The following SOX5 variants were observed in gnomAD, a reference collection of about 807,000 sequenced individuals.
SOX5 encodes the protein SRY-box transcription factor 5.
Under a neutral mutation model 92.0 loss-of-function variants are expected in SOX5, and 9 were observed. The observed-to-expected ratio is 0.10, with a 90% confidence interval of 0.06 to 0.17. The LOEUF (loss-of-function observed/expected upper bound fraction) is 0.17, where lower values mean the gene tolerates loss of function less well. SOX5 is among the 10% of genes least tolerant of loss of function. The probability of loss-of-function intolerance (pLI) is 1.00; values close to 1 mark genes in which losing one functional copy is unlikely to be tolerated. For synonymous variants in SOX5, 344 were observed against 336.3 expected (o/e 1.02, Z -0.25); for missense variants, 642 against 944.5 (o/e 0.68, Z 4.20).
At chr12:24,547,438 G>A (rs983569618) in intron 1 of SOX5, among the ~76,000 whole-genome samples, 11 of 151,870 alleles carry the variant, frequency 7.2e-5, no homozygotes, top group South Asian at 2.1e-4. Context: ...TGATCCACCC[G>A]CCTCGGCCTC....
chr12:23,613,960 C>A (rs149688776), intron 8 of SOX5, among the ~76,000 whole-genome samples: 4 of 152,244 alleles, frequency 2.6e-5, no homozygotes, highest in Admixed American at 6.5e-5. Flanking sequence ...GGTCTCCTTG[C>A]AGCTCCATGT....
At chr12:24,299,060 T>A (rs575968389) in intron 2 of SOX5, among the ~76,000 whole-genome samples, 1 of 152,344 alleles carries the variant, frequency 6.6e-6, no homozygotes, top group African/African-American at 2.4e-5. Flanking sequence ...TTCATAGCTA[T>A]AGATACTGAG....
At chr12:24,186,414 T>A (rs915487603) in intron 4 of SOX5, among the ~76,000 whole-genome samples, 3 of 152,190 alleles carry the variant, frequency 2.0e-5, no homozygotes, top group African/African-American at 7.2e-5. Flanking sequence ...ATCTGCTGTT[T>A]AACTTATTCT....
At chr12:24,085,360 T>C (rs1389852497) in intron 4 of SOX5, among the ~76,000 whole-genome samples, 1 of 152,086 alleles carries the variant, frequency 6.6e-6, no homozygotes, top group East Asian at 1.9e-4. Context: ...ACCATGGCTC[T>C]ATGAGTTGGA....
chr12:23,887,561 G>A (rs1479642437), intron 2 of SOX5, among the ~76,000 whole-genome samples: 2 of 152,082 alleles, frequency 1.3e-5, no homozygotes, highest in African/African-American at 4.8e-5. Flanking sequence ...TAAGTCTCCG[G>A]CATTGCTTCT....
intron 3 of SOX5, among the ~76,000 whole-genome samples, chr12:23,815,607 A>G (rs1472740379): frequency 6.6e-6 from 1 of 152,226 alleles, no homozygotes; most frequent in African/African-American, 2.4e-5. Flanking sequence ...AAATAAAGGG[A>G]AATGAAGTAC....
intron 4 of SOX5, among the ~76,000 whole-genome samples, chr12:24,172,605 C>G (rs758372016): frequency 6.6e-6 from 1 of 152,002 alleles, no homozygotes; most frequent in African/African-American, 2.4e-5. Flanking sequence ...ATCGGAGGAA[C>G]TGAAAGAGGG....
intron 2 of SOX5, among the ~76,000 whole-genome samples, chr12:23,864,186 ACCGCAC>A (rs1315142348): frequency 1.3e-5 from 2 of 152,036 alleles, no homozygotes; most frequent in Admixed American, 1.3e-4. Context: ...AGCACCACTA[ACCGCAC>A]CCATATAAGA....
At chr12:23,991,341 C>A (rs563593800) in intron 4 of SOX5, among the ~76,000 whole-genome samples, 1,573 of 150,496 alleles carry the variant, frequency 0.01, 11 homozygotes, top group Non-Finnish European at 0.017. Flanking sequence ...ACAACAACAA[C>A]AAAAAAAATA....
intron 4 of SOX5, among the ~76,000 whole-genome samples, chr12:24,022,143 A>G (rs1221282959): frequency 6.6e-6 from 1 of 152,214 alleles, no homozygotes; most frequent in East Asian, 1.9e-4. Flanking sequence ...ACGCAGAATC[A>G]TAACATCTCA....
chr12:23,830,579 C>T (rs1241894513), intron 3 of SOX5, among the ~76,000 whole-genome samples: 1 of 152,112 alleles, frequency 6.6e-6, no homozygotes, highest in African/African-American at 2.4e-5. Context: ...CAAACCTCTG[C>T]CAATTAAAGT....
At chr12:24,355,122 A>C (rs181888710) in intron 2 of SOX5, among the ~76,000 whole-genome samples, 1 of 152,048 alleles carries the variant, frequency 6.6e-6, no homozygotes, top group Admixed American at 6.5e-5. Context: ...ACTGGACCCA[A>C]ATGTGTAAAT....
At chr12:23,903,022 G>T (rs2138035720) in intron 1 of SOX5, among the ~76,000 whole-genome samples, 1 of 152,152 alleles carries the variant, frequency 6.6e-6, no homozygotes, top group East Asian at 1.9e-4. Context: ...TACCTTTAAG[G>T]AAGTTAGAGT....
intron 4 of SOX5, among the ~76,000 whole-genome samples, chr12:24,006,368 T>A (rs769251707): frequency 3.3e-5 from 5 of 152,208 alleles, no homozygotes; most frequent in Non-Finnish European, 7.3e-5. Flanking sequence ...TTGTTGTCCT[T>A]ACTTGTGGGG....
At chr12:24,406,113 T>C (rs1962884607) in intron 1 of SOX5, among the ~76,000 whole-genome samples, 1 of 152,014 alleles carries the variant, frequency 6.6e-6, no homozygotes, top group Non-Finnish European at 1.5e-5. Flanking sequence ...GCCCGCAGCC[T>C]CTCCCGCCCA....
intron 4 of SOX5, among the ~76,000 whole-genome samples, chr12:24,138,275 G>C (rs1379306267): frequency 6.6e-6 from 1 of 152,238 alleles, no homozygotes; most frequent in Non-Finnish European, 1.5e-5. Context: ...AAAAAAGGAA[G>C]TGTGCTTGCT....
At chr12:24,083,239 C>A (rs1440903101) in intron 4 of SOX5, among the ~76,000 whole-genome samples, 1 of 151,924 alleles carries the variant, frequency 6.6e-6, no homozygotes, top group African/African-American at 2.4e-5. Flanking sequence ...AATTAAAGGA[C>A]CTCCTTCCCT....
intron 4 of SOX5, among the ~76,000 whole-genome samples, chr12:24,062,567 C>T (rs943323763): frequency 2.6e-5 from 4 of 152,210 alleles, no homozygotes; most frequent in African/African-American, 9.6e-5. Context: ...ACTATGCTTC[C>T]TCTGTAGGAA....
chr12:24,060,884 C>A (rs557963009), intron 4 of SOX5, among the ~76,000 whole-genome samples: 419 of 152,308 alleles, frequency 2.8e-3, no homozygotes, highest in African/African-American at 9.6e-3. Flanking sequence ...ACGATGACAG[C>A]AACTGAGCCC....
Sources: gnomAD v4.1 joint callset for allele counts (sites outside exome capture counted in the v4.1 genomes callset) on GRCh38, gnomAD v4.1.1 for gene constraint, MANE v1.5 for transcripts, NCBI Gene and HGNC (gene_info 2026-07-23, HGNC 2026-07-21) for gene names.